CTDP1: variants seen among roughly 807,000 people sequenced by gnomAD.
CTDP1 encodes the protein RNA polymerase II subunit A C-terminal domain phosphatase.
A neutral mutation model predicts 91.8 loss-of-function variants in CTDP1; 47 were observed. The ratio of observed to expected loss-of-function variants is 0.51; its 90% CI spans 0.41 to 0.65. The LOEUF (loss-of-function observed/expected upper bound fraction) is 0.65, where lower values mean the gene tolerates loss of function less well. Ranked by LOEUF, CTDP1 falls within the 30% of genes least tolerant of loss-of-function variation. The pLI is 0.00. For synonymous variants in CTDP1, 656 were observed against 598.5 expected (o/e 1.10, Z -1.40); for missense variants, 1,272 against 1,373.7 (o/e 0.93, Z 1.17).
chr18:79,731,555 C>G (rs982105360), intron 11 of CTDP1, among the ~76,000 whole-genome samples: 1 of 152,178 alleles, frequency 6.6e-6, no homozygotes, highest in African/African-American at 2.4e-5. Flanking sequence ...GAGGCTTCTA[C>G]AGCTAGGAGA....
At chr18:79,720,132 A>G (rs914898096) in intron 10 of CTDP1, among the ~76,000 whole-genome samples, 3 of 143,242 alleles carry the variant, frequency 2.1e-5, no homozygotes, top group Non-Finnish European at 4.5e-5. Context: ...CCTGGTGATG[A>G]TGTCACCTCC....
In CTDP1 at chr18:79,680,324, C is replaced by T. The variant is rs73972710; in HGVS notation, c.314+63C>T. On this transcript the variant is annotated intron_variant, in intron 1 of 12. Coordinates refer to ENST00000613122, the MANE Select transcript of CTDP1 (RefSeq NM_004715.5). Reference sequence around the variant, plus strand: ...GCTCCGGGGAGGGATCCTGGAGGACCCCCGGGCTGCTGCGTCCGCGGTGGG... The same window carrying T: ...GCTCCGGGGAGGGATCCTGGAGGACTCCCGGGCTGCTGCGTCCGCGGTGGG... 5 of 1,210,546 alleles carry T rather than the reference C, an allele frequency of 4.1e-6. No homozygotes were observed. The African/African-American group carries it at 4.7e-5, about 11-fold the overall frequency. 75.0% of individuals were successfully genotyped at this position (1,210,546 alleles called of 1,614,324 possible).
At chr18:79,684,640 G>A (rs928699041) in intron 1 of CTDP1, among the ~76,000 whole-genome samples, 2 of 149,548 alleles carry the variant, frequency 1.3e-5, no homozygotes, top group Non-Finnish European at 2.9e-5. Flanking sequence ...AGGTGGGTCC[G>A]TGCCCTCGTT....
chr18:79,688,085 C>T (rs1320520088), intron 1 of CTDP1, among the ~76,000 whole-genome samples: 2 of 152,218 alleles, frequency 1.3e-5, no homozygotes, highest in South Asian at 2.1e-4. Flanking sequence ...TTTCAGTAAC[C>T]GCTGCCAGAG....
intron 10 of CTDP1, among the ~76,000 whole-genome samples, chr18:79,718,351 T>C (rs1234192208): frequency 6.6e-6 from 1 of 152,174 alleles, no homozygotes; most frequent in Non-Finnish European, 1.5e-5. Context: ...GCCGGGCTGG[T>C]TCTGAGCCCC....
At position 79,733,747 on chromosome 18, in the gene CTDP1, G is replaced by A. The variant is rs186905173; in HGVS notation, c.2581-2608G>A. On this transcript the variant is annotated intron_variant, in intron 11 of 12. Transcript: ENST00000613122. ...GTTTCCCGTCCTCTCTCTTGAAGCC[G>A]TCCCACCTCACTCCAGCGCAGAGCT... Among the ~76,000 whole-genome samples, 169 of 152,220 alleles carry A rather than the reference G, an allele frequency of 1.1e-3. 1 individual carries two copies. Among genetic ancestry groups the A allele is most frequent in the African/African-American group, 3.6e-3 (148 of 41,530 alleles).
rs1491027611 is a variant in CTDP1, at chr18:79,742,207, A to AT, written c.2747+5686_2747+5687insT. Among the ~76,000 whole-genome samples the AT allele has an allele frequency of 2.2e-3, 303 of 138,532 alleles. 6 individuals are homozygous for AT. Among genetic ancestry groups the AT allele is most frequent in the African/African-American group, 8.0e-3 (285 of 35,468 alleles). The allele number at this position is 138,532 out of a possible 152,430, so 90.9% of individuals were successfully genotyped here. ...GAGAGAGAGAGAGAGAGAGAGAGAG[A>AT]GGCCTGGCACCAGAGGAAGCGTGAG... On this transcript the variant is annotated intron_variant, in intron 12 of 12. Transcript: ENST00000613122.
intron 11 of CTDP1, among the ~76,000 whole-genome samples, chr18:79,730,182 C>T (rs1418260294): frequency 6.6e-6 from 1 of 152,172 alleles, no homozygotes; most frequent in African/African-American, 2.4e-5. Flanking sequence ...TGAACATTAG[C>T]TGTTTTTTGT....
At chr18:79,740,171 G>A (rs1371883771) in intron 12 of CTDP1, among the ~76,000 whole-genome samples, 1 of 147,094 alleles carries the variant, frequency 6.8e-6, no homozygotes, top group South Asian at 2.3e-4. Context: ...CGGCCGGGAC[G>A]GGTGGGACTC....
intron 8 of CTDP1, among the ~76,000 whole-genome samples, chr18:79,715,983 C>T (rs1010596879): frequency 4.6e-5 from 7 of 152,162 alleles, no homozygotes; most frequent in Non-Finnish European, 7.3e-5. Context: ...TGCTGTCTCC[C>T]GACGGTGAAA....
At chr18:79,726,149 C>T (rs980256201) in intron 10 of CTDP1, among the ~76,000 whole-genome samples, 1 of 152,156 alleles carries the variant, frequency 6.6e-6, no homozygotes, top group African/African-American at 2.4e-5. Flanking sequence ...TTTTGTATCT[C>T]GTGCATCTCT....
At chr18:79,743,037 G>T (rs1018976377) in intron 12 of CTDP1, among the ~76,000 whole-genome samples, 2 of 152,226 alleles carry the variant, frequency 1.3e-5, no homozygotes, top group Non-Finnish European at 2.9e-5. Context: ...GCCAGTAGCC[G>T]CGCCGAGGAG....
At chr18:79,678,920 C>T, upstream of CTDP1, 3 of 179,750 alleles carry the variant, frequency 1.7e-5, no homozygotes, top group South Asian at 2.9e-4. Flanking sequence ...CTCAGGTGAT[C>T]CGCCCGCCAC....
At chr18:79,679,258 A>G (rs978579), upstream of CTDP1, 291,573 of 376,632 alleles carry the variant, frequency 0.77, 113,427 homozygotes, top group Non-Finnish European at 0.79. Context: ...GAAGACCGCA[A>G]CCCCCAAGCT....
intron 12 of CTDP1, among the ~76,000 whole-genome samples, chr18:79,748,238 G>A (rs2086919714): frequency 6.6e-6 from 1 of 152,190 alleles, no homozygotes. Context: ...CATTCATCTC[G>A]TATTTTTAAA....
At chr18:79,733,569 C>G (rs114508864) in intron 11 of CTDP1, among the ~76,000 whole-genome samples, 2 of 151,832 alleles carry the variant, frequency 1.3e-5, no homozygotes, top group Non-Finnish European at 2.9e-5. Flanking sequence ...AGCCGGCGTC[C>G]GCTGCCTCTC....
intron 5 of CTDP1, among the ~76,000 whole-genome samples, chr18:79,708,610 G>A (rs1182340114): frequency 6.6e-6 from 1 of 152,262 alleles, no homozygotes; most frequent in Admixed American, 6.5e-5. Context: ...AATGTGGGCT[G>A]CGTGGTTGGA....
rs143317014 is a variant in CTDP1 at position 79,704,914 on chromosome 18, G to T, written c.769G>T (p.Ala257Ser). The T allele has an allele frequency of 2.5e-6, 4 of 1,612,980 alleles. No individual in the cohort carries two copies. The highest frequency in any genetic ancestry group is 2.2e-5 in the East Asian group (1 of 44,886). ...FGSRLYAHTIAGFLDPEKKLF... is the reference protein window; with the variant it reads ...FGSRLYAHTISGFLDPEKKLF... The stretch of plus-strand genomic sequence containing the variant: ...CAGCCGGCTGTACGCACACACCATC[G>T]CAGGTCAGTCAAGCCGCAGCCGAAG... Residue 257 changes from alanine to serine, a missense_variant, in exon 5 of 13, where the codon GCA becomes TCA. By Grantham distance (99) the Ala-to-Ser change is moderately conservative. Transcript: ENST00000613122.
intron 12 of CTDP1, among the ~76,000 whole-genome samples, chr18:79,743,248 G>A (rs1033451953): frequency 4.6e-5 from 7 of 151,740 alleles, no homozygotes; most frequent in Non-Finnish European, 7.4e-5. Flanking sequence ...AAGCAAGGCC[G>A]AGCACGGTGG....
Sources: allele counts gnomAD v4.1 joint callset (sites outside exome capture counted in the v4.1 genomes callset), GRCh38; gene constraint gnomAD v4.1.1; transcripts MANE v1.5; gene names NCBI Gene and HGNC (gene_info 2026-07-23, HGNC 2026-07-21).